The following NCAM2 variants were observed in gnomAD, a reference collection of about 807,000 sequenced individuals.
The protein encoded by NCAM2 is N-CAM-2.
A neutral mutation model predicts 98.1 loss-of-function variants in NCAM2; 30 were observed. The observed-to-expected ratio is 0.31, with a 90% CI of 0.23 to 0.41. The LOEUF (loss-of-function observed/expected upper bound fraction) is 0.41, where lower values mean the gene tolerates loss of function less well. Ranked by LOEUF, NCAM2 falls within the 10% of genes least tolerant of loss-of-function variation. The probability of loss-of-function intolerance (pLI) is 1.00; values close to 1 mark genes in which losing one functional copy is unlikely to be tolerated. For missense variants in NCAM2, 867 were observed against 1,005.8 expected (o/e 0.86, Z 1.87); for synonymous variants, 368 against 342.4 (o/e 1.07, Z -0.83).
intron 8 of NCAM2, among the ~76,000 whole-genome samples, chr21:21,357,436 T>G (rs1331770485): frequency 6.6e-6 from 1 of 152,162 alleles, no homozygotes; most frequent in East Asian, 1.9e-4. Flanking sequence ...ACTTCCTTTT[T>G]TCACCTCAAA....
At chr21:21,250,529 G>A in intron 1 of NCAM2, among the ~76,000 whole-genome samples, 1 of 152,176 alleles carries the variant, frequency 6.6e-6, no homozygotes, top group East Asian at 1.9e-4. Context: ...GGGTCAGTAA[G>A]TCTAAGGCTT....
chr21:21,531,519 G>A (rs1989693452), intron 16 of NCAM2, among the ~76,000 whole-genome samples: 2 of 113,126 alleles, frequency 1.8e-5, no homozygotes, highest in African/African-American at 7.0e-5. Context: ...GTTAGTGGGA[G>A]AGCCAGCTAA....
At chr21:21,237,840 G>C (rs1388591804) in intron 1 of NCAM2, among the ~76,000 whole-genome samples, 1 of 150,990 alleles carries the variant, frequency 6.6e-6, no homozygotes, top group African/African-American at 2.4e-5. Context: ...GCATTACTTG[G>C]TAGTTTTATA....
intron 1 of NCAM2, among the ~76,000 whole-genome samples, chr21:21,167,570 C>T (rs1269994422): frequency 5.3e-5 from 8 of 152,030 alleles, no homozygotes; most frequent in African/African-American, 9.7e-5. Flanking sequence ...TGACAAACTT[C>T]GTTCCATTCA....
At chr21:21,325,311 T>C (rs2074485055) in intron 6 of NCAM2, among the ~76,000 whole-genome samples, 1 of 152,178 alleles carries the variant, frequency 6.6e-6, no homozygotes, top group Non-Finnish European at 1.5e-5. Flanking sequence ...CCCTACTAAG[T>C]ATTAGGTTGT....
At chr21:21,104,411 C>A (rs1042364220) in intron 1 of NCAM2, among the ~76,000 whole-genome samples, 1 of 151,832 alleles carries the variant, frequency 6.6e-6, no homozygotes, top group African/African-American at 2.4e-5. Context: ...TTTTTTTTCT[C>A]ATGGATAGAG....
intron 16 of NCAM2, among the ~76,000 whole-genome samples, chr21:21,530,107 AATTTAATTTAATTTAATTATATATG>A (rs1989551094): frequency 5.1e-5 from 7 of 138,478 alleles, no homozygotes; most frequent in East Asian, 4.0e-4. Flanking sequence ...AATTATATAT[AATTTAATTTAATTTAATTATATATG>A]ATTTAATTTA....
At chr21:21,369,370 G>A (rs900480117) in intron 8 of NCAM2, among the ~76,000 whole-genome samples, 6 of 151,210 alleles carry the variant, frequency 4.0e-5, no homozygotes, top group Non-Finnish European at 7.4e-5. Flanking sequence ...TTCAATCCAT[G>A]CACCAGTAAA....
chr21:21,489,808 G>A (rs192639132), intron 15 of NCAM2, among the ~76,000 whole-genome samples: 14 of 151,768 alleles, frequency 9.2e-5, no homozygotes, highest in African/African-American at 3.1e-4. Flanking sequence ...GTAAATTTTG[G>A]GACTTAACTA....
Position 21,374,022 on chromosome 21 carries a change from CT to C in NCAM2, c.1195+12del, listed in dbSNP as rs749560317. On this transcript the variant is annotated intron_variant, in intron 9 of 17. Coordinates refer to ENST00000400546, the MANE Select transcript of NCAM2 (RefSeq NM_004540.5). ...GTACCTTGATATTGAATGTAAGTTA[CT>C]TTCCTTTGTATTTTCATTAAAATAA... is the stretch of plus-strand genomic sequence containing the variant. 6.3e-7 allele frequency: 1 copy of C among 1,594,482 alleles called. No individual in the cohort carries two copies. The highest frequency in any genetic ancestry group is 8.5e-7 in the Non-Finnish European group (1 of 1,172,836).
chr21:21,034,772 C>T (rs538834466), intron 1 of NCAM2, among the ~76,000 whole-genome samples: 2 of 152,096 alleles, frequency 1.3e-5, no homozygotes, highest in African/African-American at 2.4e-5. Flanking sequence ...TCCAGTCCCT[C>T]ATCTACAAAA....
intron 12 of NCAM2, among the ~76,000 whole-genome samples, chr21:21,466,102 G>A (rs77303181): frequency 0.031 from 4,763 of 152,028 alleles, 260 homozygotes; most frequent in African/African-American, 0.11. Flanking sequence ...GATTTGATTT[G>A]AAATTGTAGA....
intron 1 of NCAM2, among the ~76,000 whole-genome samples, chr21:21,252,009 C>T (rs2147292068): frequency 6.6e-6 from 1 of 152,106 alleles, no homozygotes; most frequent in Non-Finnish European, 1.5e-5. Flanking sequence ...CCTAGGTTTT[C>T]TTCTAGGGTT....
chr21:21,087,181 A>T (rs1301459125), intron 1 of NCAM2, among the ~76,000 whole-genome samples: 1 of 152,124 alleles, frequency 6.6e-6, no homozygotes, highest in Non-Finnish European at 1.5e-5. Context: ...AAACAGTCAA[A>T]GATAATCTCC....
chr21:21,508,475 G>A (rs1257617624), intron 15 of NCAM2, among the ~76,000 whole-genome samples: 4 of 151,748 alleles, frequency 2.6e-5, no homozygotes, highest in Admixed American at 6.6e-5. Context: ...CTATTAATGG[G>A]TGTCATTTTC....
chr21:21,054,972 T>G lies in NCAM2; in HGVS notation c.55+56354T>G, dbSNP rs113866346. On this transcript the variant is annotated intron_variant, in intron 1 of 17. Transcript: ENST00000400546. ...GACCCTAAGTTGGGAATATTTTCTT[T>G]AGCTTTGAGATCCATAGGAAAGAAT... 4.5e-3 allele frequency among the ~76,000 whole-genome samples: 689 copies of G among 152,172 alleles called. 3 individuals are homozygous for G. The highest frequency in any genetic ancestry group is 0.015 in the African/African-American group (631 of 41,560).
At chr21:21,365,981 GA>G (rs10709863) in intron 8 of NCAM2, among the ~76,000 whole-genome samples, 152,037 of 152,038 alleles carry the variant, frequency 1, 76,018 homozygotes, top group Non-Finnish European at 1. Context: ...TTTTAGGCAG[GA>G]AAAAAGGTGA....
intron 1 of NCAM2, among the ~76,000 whole-genome samples, chr21:21,030,565 C>G (rs2064658814): frequency 6.6e-6 from 1 of 152,170 alleles, no homozygotes; most frequent in South Asian, 2.1e-4. Flanking sequence ...CCTGCAAAGT[C>G]TTTTTGCCAT....
At chr21:21,086,237 G>T (rs1477338486) in intron 1 of NCAM2, among the ~76,000 whole-genome samples, 1 of 152,166 alleles carries the variant, frequency 6.6e-6, no homozygotes, top group Non-Finnish European at 1.5e-5. Context: ...GATAGCAATG[G>T]ATGCTTTGCA....
Sources: allele counts gnomAD v4.1 joint callset (sites outside exome capture counted in the v4.1 genomes callset), GRCh38; gene constraint gnomAD v4.1.1; transcripts MANE v1.5; gene names NCBI Gene and HGNC (gene_info 2026-07-23, HGNC 2026-07-21).